The following ECPAS variants were observed in gnomAD, a reference collection of about 807,000 sequenced individuals.
ECPAS encodes proteasome adapter and scaffold protein ECM29.
A neutral mutation model predicts 255.1 loss-of-function variants in ECPAS; 70 were observed. The observed-to-expected ratio is 0.27, with a 90% CI of 0.23 to 0.33. The LOEUF (loss-of-function observed/expected upper bound fraction) is 0.33. Ranked by LOEUF, ECPAS falls within the 10% of genes least tolerant of loss-of-function variation. The pLI, the probability that ECPAS is intolerant of heterozygous loss-of-function variation, is 1.00. For synonymous variants in ECPAS, 784 were observed against 775.0 expected, an observed-to-expected ratio of 1.01 and a Z score of -0.19; for missense variants, 1,817 against 2,206.4, an observed-to-expected ratio of 0.82 and a Z score of 3.54.
intron 34 of ECPAS, 66 bp from the exon 35 acceptor site, chr9:111,383,398 A>C (rs1369991889): frequency 1.3e-6 from 2 of 1,533,388 alleles, no homozygotes; most frequent in African/African-American, 2.7e-5. Flanking sequence ...TTCATCTGAC[A>C]AAAGACTTTC....
At position 111,449,967 on chromosome 9, in the gene ECPAS, A is replaced by C. The variant is rs182421921; in HGVS notation, c.153+1458T>G. Among the ~76,000 whole-genome samples, 109 of 152,218 alleles carry C rather than the reference A, an allele frequency of 7.2e-4. 2 individuals carry two copies. In the East Asian group the frequency reaches 0.018, roughly 25 times the overall value. On this transcript the variant is annotated intron_variant, in intron 3 of 49. Transcript: ENST00000684092. ...TTGGCCTGGCTACTTCCTGCACACC[A>C]CAGAGGCCTCCCCTTATACCCCACA... is the stretch of plus-strand genomic sequence containing the variant.
intron 2 of ECPAS, among the ~76,000 whole-genome samples, chr9:111,457,548 T>C (rs1195275240): frequency 6.6e-6 from 1 of 152,342 alleles, no homozygotes; most frequent in East Asian, 1.9e-4. Flanking sequence ...ATAAATTTTA[T>C]GGAAGGGCCT....
In ECPAS at chr9:111,372,542, G is replaced by C; in HGVS notation, c.4415C>G (p.Ala1472Gly). ...RYSPDVLKNHAKEVLPLAFLG... is the reference protein window; with the variant it reads ...RYSPDVLKNHGKEVLPLAFLG... ...AAATGCCAGAGGCAGGACTTCTTTT[G>C]CATGATTCTTTAATACATCAGGGCT... Residue 1472 changes from alanine to glycine, a missense_variant, in exon 42 of 50, where the codon GCA (alanine) becomes GGA (glycine). By Grantham distance (60) the Ala-to-Gly change is moderately conservative. Transcript: ENST00000684092. 6.2e-7 allele frequency: 1 copy of C among 1,613,780 alleles called. No homozygotes were observed. The highest frequency in any genetic ancestry group is 8.5e-7 in the Non-Finnish European group (1 of 1,179,782).
At chr9:111,479,576 G>A (rs1477144144) in intron 1 of ECPAS, among the ~76,000 whole-genome samples, 1 of 152,112 alleles carries the variant, frequency 6.6e-6, no homozygotes, top group East Asian at 1.9e-4. Flanking sequence ...CTGGGCGACA[G>A]AGCAAGACTC....
intron 46 of ECPAS, among the ~76,000 whole-genome samples, chr9:111,367,690 A>G (rs978930190): frequency 6.6e-6 from 1 of 152,184 alleles, no homozygotes; most frequent in African/African-American, 2.4e-5. Context: ...CTCAAAGAGA[A>G]CCTTAACTGA....
intron 24 of ECPAS, among the ~76,000 whole-genome samples, chr9:111,397,500 A>G (rs2098169443): frequency 6.6e-6 from 1 of 152,210 alleles, no homozygotes; most frequent in South Asian, 2.1e-4. Context: ...TATAAATTCT[A>G]GCTATCTCTC....
rs893710647 is a variant in ECPAS, at chr9:111,428,224, T to C, written c.931-63A>G. ...AAATTATTTTGAACTGAAAATGTCATGAGAATTCATCTTAATCAGTGGTCT... is the reference window on the plus strand; with the variant it reads ...AAATTATTTTGAACTGAAAATGTCACGAGAATTCATCTTAATCAGTGGTCT... On this transcript the variant is annotated intron_variant, in intron 9 of 49. Transcript: ENST00000684092. The C allele has an allele frequency of 1.0e-5, 15 of 1,494,726 alleles. No homozygotes were observed. In the African/African-American group the frequency reaches 1.7e-4, roughly 17 times the overall value. The allele number at this position is 1,494,726 out of a possible 1,614,324, so 92.6% of individuals were successfully genotyped here.
chr9:111,428,752 G>A (rs560340717), intron 9 of ECPAS, among the ~76,000 whole-genome samples: 297 of 143,868 alleles, frequency 2.1e-3, no homozygotes, highest in African/African-American at 6.0e-3. Context: ...TTTAAAAAAT[G>A]AAAAAAAAAA....
intron 15 of ECPAS, 21 bp from the exon 16 acceptor site, chr9:111,420,141 C>T: frequency 1.3e-6 from 2 of 1,523,884 alleles, no homozygotes; most frequent in East Asian, 2.3e-5. Flanking sequence ...TGTAAACATA[C>T]ACAGACCACC....
Position 111,378,721 on chromosome 9 carries a change from G to C in ECPAS, c.3813C>G (p.Thr1271=). 2 of 1,611,640 alleles carry C rather than the reference G, an allele frequency of 1.2e-6. No individual in the cohort carries two copies. Among genetic ancestry groups the C allele is most frequent in the Non-Finnish European group, 1.7e-6 (2 of 1,178,302 alleles). Residue 1271 remains threonine (T), a synonymous_variant, in exon 36 of 50, where the codon ACC becomes ACG. Coordinates refer to ENST00000684092, the MANE Select transcript of ECPAS (RefSeq NM_001364929.1). ...VTEVRALSIN[T]LVKISKSAGA... Reference sequence around the variant, plus strand: ...CTGCACTTTTGCTGATCTTCACAAGGGTGTTAATGCTACAAACATATGGAA... The same window carrying C: ...CTGCACTTTTGCTGATCTTCACAAGCGTGTTAATGCTACAAACATATGGAA...
chr9:111,442,852 A>G (rs1451056741), intron 4 of ECPAS, among the ~76,000 whole-genome samples: 4 of 152,160 alleles, frequency 2.6e-5, no homozygotes, highest in East Asian at 3.9e-4. Context: ...ACTAAAACAA[A>G]CTTAGTATAC....
intron 2 of ECPAS, among the ~76,000 whole-genome samples, chr9:111,451,998 T>C (rs926275051): frequency 6.6e-6 from 1 of 152,184 alleles, no homozygotes; most frequent in African/African-American, 2.4e-5. Context: ...ATTACTGTAT[T>C]AGGGTTACCT....
intron 35 of ECPAS, among the ~76,000 whole-genome samples, chr9:111,381,704 G>A (rs898239219): frequency 2.0e-5 from 3 of 152,060 alleles, no homozygotes; most frequent in African/African-American, 7.2e-5. Context: ...TAAAAGCAAA[G>A]GCTCTTTATC....
At chr9:111,391,669 A>G (rs936972221) in intron 29 of ECPAS, 87 bp downstream of exon 29, 15 of 822,342 alleles carry the variant, frequency 1.8e-5, no homozygotes, top group Middle Eastern at 4.9e-4. Flanking sequence ...GGTAGAAATC[A>G]ACTTCATGAC....
intron 48 of ECPAS, chr9:111,365,713 A>G (rs917244411): frequency 2.0e-5 from 3 of 152,610 alleles, no homozygotes; most frequent in Admixed American, 6.5e-5. Flanking sequence ...TCAACTGAAC[A>G]AACTAGAATA....
intron 34 of ECPAS, among the ~76,000 whole-genome samples, chr9:111,383,848 G>A (rs528932293): frequency 1.8e-4 from 28 of 152,208 alleles, no homozygotes; most frequent in South Asian, 1.7e-3. Context: ...CCTGACCCCG[G>A]CAGGTCGAGA....
intron 13 of ECPAS, 93 bp from the exon 14 acceptor site, chr9:111,422,293 C>T: frequency 7.5e-7 from 1 of 1,326,140 alleles, no homozygotes; most frequent in South Asian, 1.3e-5. Flanking sequence ...TTCCTGAACT[C>T]TCTGAAGACA....
intron 6 of ECPAS, 88 bp from the exon 7 acceptor site, chr9:111,437,196 C>T (rs1167125547): frequency 1.4e-5 from 14 of 1,025,074 alleles, no homozygotes; most frequent in Non-Finnish European, 1.9e-5. Flanking sequence ...CATATACTGT[C>T]CTCCTACTGT....
chr9:111,433,181 T>C, intron 8 of ECPAS, 52 bp downstream of exon 8: 1 of 1,578,650 alleles, frequency 6.3e-7, no homozygotes. Flanking sequence ...GTCAAGTAAG[T>C]TTTTAGAAAT....
Sources: gnomAD v4.1 joint callset for allele counts (sites outside exome capture counted in the v4.1 genomes callset) on GRCh38, gnomAD v4.1.1 for gene constraint, MANE v1.5 for transcripts, NCBI Gene and HGNC (gene_info 2026-07-23, HGNC 2026-07-21) for gene names.